Variants in DOCK3 observed in about 807,000 individuals in gnomAD.
DOCK3 encodes the protein dedicator of cytokinesis protein 3.
DOCK3 carries 60 observed loss-of-function variants against 265.6 expected under a neutral mutation model. The observed-to-expected ratio is 0.23, with a 90% CI of 0.18 to 0.28. The LOEUF (loss-of-function observed/expected upper bound fraction) is 0.28. Among genes scored for constraint, DOCK3 ranks in the 10% least tolerant of loss-of-function variants. DOCK3 has a pLI of 1.00. For synonymous variants in DOCK3, 881 were observed against 938.0 expected (o/e 0.94, Z 1.11); for missense variants, 1,981 against 2,594.3 (o/e 0.76, Z 5.14).
intron 1 of DOCK3, among the ~76,000 whole-genome samples, chr3:50,701,070 A>G (rs1443318460): frequency 6.6e-6 from 1 of 150,898 alleles, no homozygotes; most frequent in East Asian, 1.9e-4. Flanking sequence ...TCATACGCCA[A>G]CTGGCCATTT....
intron 27 of DOCK3, among the ~76,000 whole-genome samples, chr3:51,281,269 G>C (rs1220738985): frequency 9.4e-6 from 1 of 106,844 alleles, no homozygotes; most frequent in East Asian, 2.4e-4. Flanking sequence ...TAGCTGATGA[G>C]CTAAAATATA....
At chr3:51,130,187 G>A (rs985007093) in intron 9 of DOCK3, among the ~76,000 whole-genome samples, 10 of 152,190 alleles carry the variant, frequency 6.6e-5, no homozygotes, top group South Asian at 2.1e-4. Context: ...TAAGTCCAAC[G>A]TGTTTGCTAT....
intron 9 of DOCK3, among the ~76,000 whole-genome samples, chr3:51,136,049 A>C (rs2084779133): frequency 1.3e-5 from 2 of 151,998 alleles, no homozygotes. Context: ...TTCCCCATAC[A>C]ATAAGCTACA....
At chr3:51,094,972 A>G (rs1409296869) in intron 9 of DOCK3, among the ~76,000 whole-genome samples, 1 of 149,294 alleles carries the variant, frequency 6.7e-6, no homozygotes, top group Non-Finnish European at 1.5e-5. Context: ...CTGTTTTATA[A>G]GAGACTAGGA....
intron 12 of DOCK3, among the ~76,000 whole-genome samples, chr3:51,201,654 G>A (rs1173732845): frequency 6.6e-6 from 1 of 152,134 alleles, no homozygotes; most frequent in Non-Finnish European, 1.5e-5. Context: ...ATTGAACTCA[G>A]CTCCGCACCA....
chr3:50,906,192 G>A (rs950269112), intron 4 of DOCK3, among the ~76,000 whole-genome samples: 4 of 152,024 alleles, frequency 2.6e-5, no homozygotes, highest in Non-Finnish European at 4.4e-5. Flanking sequence ...TTTTTGCATC[G>A]ATGTTCATCA....
chr3:51,185,732 C>A (rs1016815793), intron 12 of DOCK3, among the ~76,000 whole-genome samples: 4 of 152,146 alleles, frequency 2.6e-5, no homozygotes, highest in African/African-American at 7.2e-5. Context: ...ATGCTGTTCT[C>A]ATGATAGTGA....
In DOCK3 at chr3:51,214,208, A is replaced by G. The variant is rs768778020; in HGVS notation, c.1213A>G (p.Ile405Val). Residue 405 changes from isoleucine (I) to valine (V), a missense_variant, in exon 14 of 53, where the codon ATT becomes GTT. By Grantham distance (29) the Ile-to-Val change is conservative. This residue lies in a region of DOCK3 where 456 missense variants were observed against 539.0 expected (regional missense o/e 0.85). Transcript: ENST00000266037. ...NPMIFNRGLA[I>V]TRKLGFPDVI... is the part of the protein sequence containing the mutation. ...CATGATATTTAATAGGGGATTGGCA[A>G]TTACAAGAAAATTGGGATTTCCTGA... 11 of 1,613,854 alleles carry G rather than the reference A, an allele frequency of 6.8e-6. No homozygotes were observed. The highest frequency in any genetic ancestry group is 8.5e-6 in the Non-Finnish European group (10 of 1,179,830).
chr3:50,713,263 G>A (rs955597902), intron 1 of DOCK3, among the ~76,000 whole-genome samples: 1 of 152,202 alleles, frequency 6.6e-6, no homozygotes, highest in African/African-American at 2.4e-5. Context: ...TTTTTCTCCA[G>A]GGGTATGTGT....
At position 51,356,167 on chromosome 3, in the gene DOCK3, A is replaced by G. The variant is rs2086347120; in HGVS notation, c.4328A>G (p.Lys1443Arg). The change falls in exon 42 of 53, where the codon AAG becomes AGG. Residue 1443 changes from lysine (K) to arginine (R), a missense_variant. Around this residue, in one of 4 missense-constraint regions of DOCK3, gnomAD observed 1,357 missense variants for 1,866.8 expected, o/e 0.73. Coordinates refer to ENST00000266037, the MANE Select transcript of DOCK3 (RefSeq NM_004947.5). ...ATGGATAGGGTACCAGATCGAGTCA[A>G]GAGCTTCTATCGCGTCAACAATGTG... ...LQMDRVPDRV[K>R]SFYRVNNVRK... is the part of the protein sequence containing the mutation. 1 of 1,613,860 alleles carries G rather than the reference A, an allele frequency of 6.2e-7. No individual in the cohort carries two copies. The highest frequency in any genetic ancestry group is 8.5e-7 in the Non-Finnish European group (1 of 1,179,864).
At chr3:51,009,438 G>T (rs1285083404) in intron 5 of DOCK3, among the ~76,000 whole-genome samples, 1 of 152,134 alleles carries the variant, frequency 6.6e-6, no homozygotes, top group Non-Finnish European at 1.5e-5. Context: ...ATGGTAGTTT[G>T]TATTTCTTTG....
In DOCK3 at chr3:51,160,615, A is replaced by G. The variant is rs756215702; in HGVS notation, c.950A>G (p.Tyr317Cys). Residue 317 changes from tyrosine to cysteine, a missense_variant, in exon 12 of 53, where the codon TAT becomes TGT. Coordinates refer to ENST00000266037, the MANE Select transcript of DOCK3 (RefSeq NM_004947.5). ...GPPHLHYRRP[Y>C]GCAVLSILDV... ...CCTCACCTGCACTACAGGCGACCAT[A>G]TGGCTGTGCGGTCCTAAGCATCTTG... 6.8e-6 allele frequency: 11 copies of G among 1,613,044 alleles called. No individual in the cohort carries two copies. Among genetic ancestry groups the G allele is most frequent in the Non-Finnish European group, 7.6e-6 (9 of 1,179,518 alleles).
At chr3:51,059,786 G>A (rs1175682835) in intron 5 of DOCK3, among the ~76,000 whole-genome samples, 1 of 152,052 alleles carries the variant, frequency 6.6e-6, no homozygotes, top group Non-Finnish European at 1.5e-5. Flanking sequence ...TCTCTGTGAA[G>A]AATAGGTAGG....
chr3:51,310,383 GTA>G (rs1169503109), intron 28 of DOCK3, 57 bp downstream of exon 28: 6 of 1,438,802 alleles, frequency 4.2e-6, no homozygotes, highest in Non-Finnish European at 4.8e-6. Context: ...ACTAAGAAGA[GTA>G]TGTGTATTTC....
At chr3:51,380,102 C>T in intron 51 of DOCK3, 23 bp from the exon 52 acceptor site, 1 of 1,608,364 alleles carries the variant, frequency 6.2e-7, no homozygotes, top group Non-Finnish European at 8.5e-7. Context: ...CCAGCTGAGG[C>T]TCTGGTTCTG....
chr3:50,908,861 G>T (rs2049693474), intron 4 of DOCK3, among the ~76,000 whole-genome samples: 1 of 151,998 alleles, frequency 6.6e-6, no homozygotes, highest in African/African-American at 2.4e-5. Flanking sequence ...TCTCTTTGTA[G>T]GTCTCTAAGA....
rs955231903 is a variant in DOCK3 at position 51,374,481 on chromosome 3, T to C, written c.5306T>C (p.Leu1769Pro). ...APSSARGSPSLPDKYRHAREM... is the reference protein window; with the variant it reads ...APSSARGSPSPPDKYRHAREM... ...CACTTGGTTACAGGCTCTCCCTCTC[T>C]GCCAGATAAGTACCGCCATGCCCGT... The change falls in exon 50 of 53, where the codon CTG becomes CCG. Residue 1769 changes from leucine (L) to proline (P), a missense_variant. By Grantham distance (98) the Leu-to-Pro change is moderately conservative. Coordinates refer to ENST00000266037, the MANE Select transcript of DOCK3 (RefSeq NM_004947.5). The surrounding 1 kb of genome is among the most constrained non-coding windows in gnomAD (Gnocchi z 4.8). 1 of 1,613,384 alleles carries C rather than the reference T, an allele frequency of 6.2e-7. No individual in the cohort carries two copies. Among genetic ancestry groups the C allele is most frequent in the Non-Finnish European group, 8.5e-7 (1 of 1,179,690 alleles).
intron 1 of DOCK3, among the ~76,000 whole-genome samples, chr3:50,713,413 G>A (rs577101249): frequency 2.0e-5 from 3 of 152,224 alleles, no homozygotes; most frequent in Admixed American, 2.0e-4. Context: ...TATGGATAAT[G>A]GGAAGAAGAG....
At chr3:50,859,219 T>G (rs1378251667) in intron 3 of DOCK3, among the ~76,000 whole-genome samples, 1 of 142,152 alleles carries the variant, frequency 7.0e-6, no homozygotes, top group African/African-American at 2.6e-5. Flanking sequence ...GGTTTTTTTT[T>G]TTTTTTTTTT....
Sources: allele counts gnomAD v4.1 joint callset (sites outside exome capture counted in the v4.1 genomes callset), GRCh38; gene constraint gnomAD v4.1.1; regional missense constraint gnomAD v4.1.1; non-coding constraint Gnocchi (gnomAD v3.1); transcripts MANE v1.5; gene names NCBI Gene and HGNC (gene_info 2026-07-23, HGNC 2026-07-21).